The following HDAC9 variants were observed in gnomAD, a reference collection of about 807,000 sequenced individuals.
HDAC9 encodes the protein histone deacetylase 9.
HDAC9 carries 41 observed loss-of-function variants against 139.4 expected under a neutral mutation model. The ratio of observed to expected loss-of-function variants is 0.29; its 90% CI spans 0.23 to 0.38. HDAC9 has a LOEUF of 0.38. Among genes scored for constraint, HDAC9 ranks in the 10% least tolerant of loss-of-function variants. The pLI is 1.00. For missense variants in HDAC9, 1,147 were observed against 1,297.0 expected (o/e 0.88, Z 1.78); for synonymous variants, 517 against 476.2 (o/e 1.09, Z -1.12).
At chr7:18,477,422 T>C (rs1208504735) in intron 1 of HDAC9, among the ~76,000 whole-genome samples, 2 of 152,134 alleles carry the variant, frequency 1.3e-5, no homozygotes, top group Non-Finnish European at 2.9e-5. Context: ...TGTGTGTGTG[T>C]GTGAAACAAA....
At chr7:18,609,099 A>G (rs1408429260) in intron 6 of HDAC9, among the ~76,000 whole-genome samples, 1 of 152,166 alleles carries the variant, frequency 6.6e-6, no homozygotes, top group Non-Finnish European at 1.5e-5. Context: ...GGTAATACAG[A>G]GGTAATTAAG....
At chr7:18,638,836 A>G (rs989666250) in intron 8 of HDAC9, among the ~76,000 whole-genome samples, 2 of 151,938 alleles carry the variant, frequency 1.3e-5, no homozygotes, top group African/African-American at 4.8e-5. Flanking sequence ...TGCTTTACTC[A>G]TTTGTAAACT....
chr7:18,805,266 A>T (rs561522575), intron 17 of HDAC9, among the ~76,000 whole-genome samples: 26 of 152,280 alleles, frequency 1.7e-4, no homozygotes, highest in Admixed American at 4.6e-4. Flanking sequence ...AACTTGTTGC[A>T]TGTTGAGCTA....
intron 2 of HDAC9, among the ~76,000 whole-genome samples, chr7:18,230,773 G>A (rs1423589748): frequency 3.9e-5 from 6 of 152,232 alleles, no homozygotes; most frequent in Admixed American, 1.3e-4. Flanking sequence ...TTTAAAAGTT[G>A]ATTTTAAAAG....
chr7:18,926,524 A>T (rs1444568776), intron 22 of HDAC9, among the ~76,000 whole-genome samples: 1 of 152,224 alleles, frequency 6.6e-6, no homozygotes, highest in African/African-American at 2.4e-5. Flanking sequence ...TAGAGTTTAT[A>T]ATAACTCATA....
chr7:18,881,598 C>T (rs149488044), intron 22 of HDAC9, among the ~76,000 whole-genome samples: 2 of 152,080 alleles, frequency 1.3e-5, no homozygotes, highest in Non-Finnish European at 2.9e-5. Flanking sequence ...CCATGGCTCT[C>T]CTAAGTGTCT....
chr7:18,788,755 A>AC (rs1228111678), intron 16 of HDAC9, among the ~76,000 whole-genome samples: 11 of 146,032 alleles, frequency 7.5e-5, no homozygotes, highest in Middle Eastern at 3.4e-3. Flanking sequence ...ACTCTGTTTA[A>AC]AAAAAAAAAA....
chr7:18,827,776 A>G (rs1251919477), intron 17 of HDAC9, among the ~76,000 whole-genome samples: 1 of 152,108 alleles, frequency 6.6e-6, no homozygotes, highest in East Asian at 1.9e-4. Context: ...TTTTCATCCT[A>G]TTGGTTTCCC....
chr7:18,302,661 A>C (rs1193519095), intron 1 of HDAC9, among the ~76,000 whole-genome samples: 1 of 152,190 alleles, frequency 6.6e-6, no homozygotes, highest in Admixed American at 6.5e-5. Flanking sequence ...CATTTGTTTC[A>C]GTTTCTTCAT....
Position 19,000,961 on chromosome 7 carries a change from CTT to C in HDAC9, c.*4902_*4903del, listed in dbSNP as rs1563124847. On this transcript the variant is annotated 3_prime_UTR_variant, in exon 26 of 26. Coordinates refer to ENST00000686413, the MANE Select transcript of HDAC9 (RefSeq NM_178425.4). ...ATAAACATTTTGATAGATACTCTGT[CTT>C]TTGTTTTTTATCTCTTCTCTTTTCA... 1 of 152,238 alleles carries C rather than the reference CTT, an allele frequency of 6.6e-6. No individual in the cohort carries two copies. Among genetic ancestry groups the C allele is most frequent in the East Asian group, 1.9e-4 (1 of 5,186 alleles). 9.4% of individuals were successfully genotyped at this position (152,238 alleles called of 1,614,324 possible). A position where few individuals can be genotyped will look rare whatever the true frequency, so the allele number is the denominator to read the frequency against.
intron 1 of HDAC9, among the ~76,000 whole-genome samples, chr7:18,113,338 T>C (rs1021761713): frequency 7.9e-5 from 12 of 152,262 alleles, no homozygotes; most frequent in African/African-American, 2.9e-4. Flanking sequence ...TTAGTCTGTT[T>C]TTCTAGGCTG....
intron 2 of HDAC9, among the ~76,000 whole-genome samples, chr7:18,261,185 A>G (rs1338508794): frequency 3.9e-5 from 6 of 152,040 alleles, no homozygotes; most frequent in Non-Finnish European, 7.4e-5. Context: ...ATGCAGGCCT[A>G]TAGTCCCAGC....
At chr7:18,589,275 C>T (rs1013719765) in intron 3 of HDAC9, among the ~76,000 whole-genome samples, 3 of 152,112 alleles carry the variant, frequency 2.0e-5, no homozygotes, top group African/African-American at 4.8e-5. Context: ...CCCGTAATCC[C>T]GGCAGTTAGA....
At chr7:18,260,835 C>T (rs1285608041) in intron 2 of HDAC9, among the ~76,000 whole-genome samples, 1 of 152,168 alleles carries the variant, frequency 6.6e-6, no homozygotes, top group Non-Finnish European at 1.5e-5. Flanking sequence ...AGACATTATA[C>T]TGCTTTCTTC....
intron 11 of HDAC9, among the ~76,000 whole-genome samples, chr7:18,659,138 T>G (rs1408307457): frequency 1.3e-5 from 2 of 152,170 alleles, no homozygotes; most frequent in African/African-American, 2.4e-5. Flanking sequence ...GTTGATATTT[T>G]GTATCTGAAG....
In HDAC9 at chr7:18,727,718, C is replaced by A; in HGVS notation, c.1870C>A (p.Pro624Thr). 1 of 1,573,838 alleles carries A rather than the reference C, an allele frequency of 6.4e-7. No individual in the cohort carries two copies. Among genetic ancestry groups the A allele is most frequent in the Non-Finnish European group, 8.6e-7 (1 of 1,165,430 alleles). Residue 624 changes from proline to threonine, a missense_variant, in exon 13 of 26, where the codon CCA (proline) becomes ACA (threonine). By Grantham distance (38) the Pro-to-Thr change is conservative. This residue lies in a region of HDAC9 where 256 missense variants were observed against 219.2 expected (regional missense o/e 1.17). Transcript: ENST00000686413. Reference sequence around the variant, plus strand: ...CCCTGCTGCCTCTGTTTTACCTCACCCAGCAATGGACCGCCCCCTCCAGCC... The same window carrying A: ...CCCTGCTGCCTCTGTTTTACCTCACACAGCAATGGACCGCCCCCTCCAGCC... ...SSPAASVLPH[P>T]AMDRPLQPGS...
intron 1 of HDAC9, among the ~76,000 whole-genome samples, chr7:18,144,611 T>C (rs370540681): frequency 3.9e-5 from 6 of 152,272 alleles, no homozygotes; most frequent in African/African-American, 7.2e-5. Flanking sequence ...TATTTTTTTT[T>C]CCCTAAAAGT....
intron 1 of HDAC9, among the ~76,000 whole-genome samples, chr7:18,303,405 G>GTGTGTA (rs1000828767): frequency 7.0e-6 from 1 of 141,910 alleles, no homozygotes; most frequent in Admixed American, 6.9e-5. Flanking sequence ...GTGTGTGTGT[G>GTGTGTA]TGTGTGTGTG....
At chr7:18,136,618 A>T (rs1785437663) in intron 1 of HDAC9, among the ~76,000 whole-genome samples, 1 of 152,112 alleles carries the variant, frequency 6.6e-6, no homozygotes, top group Non-Finnish European at 1.5e-5. Context: ...AGCTGTAGAT[A>T]TGCGGTGTTA....
Sources: gnomAD v4.1 joint callset for allele counts (sites outside exome capture counted in the v4.1 genomes callset) on GRCh38, gnomAD v4.1.1 for gene constraint, gnomAD v4.1.1 regional missense constraint, MANE v1.5 for transcripts, NCBI Gene and HGNC (gene_info 2026-07-23, HGNC 2026-07-21) for gene names.